Variants in TRPV4 observed in about 807,000 individuals in gnomAD.
The protein encoded by TRPV4 is OSM9-like transient receptor potential channel 4.
TRPV4 carries 58 observed loss-of-function variants against 84.1 expected under a neutral mutation model. That is an observed-to-expected ratio of 0.69 (90% CI 0.56 to 0.86). The LOEUF is 0.86. TRPV4 is among the 40% of genes least tolerant of loss of function. TRPV4 has a pLI of 0.00. For synonymous variants in TRPV4, 489 were observed against 500.9 expected (o/e 0.98, Z 0.32); for missense variants, 879 against 1,181.1 (o/e 0.74, Z 3.75).
At chr12:109,816,544 G>A (rs1214792752) in intron 1 of TRPV4, among the ~76,000 whole-genome samples, 1 of 152,162 alleles carries the variant, frequency 6.6e-6, no homozygotes, top group African/African-American at 2.4e-5. Context: ...TTGGGAGGCC[G>A]AGGCGGGTGG....
intron 1 of TRPV4, among the ~76,000 whole-genome samples, chr12:109,833,028 T>C (rs918584363): frequency 2.5e-4 from 38 of 152,222 alleles, no homozygotes; most frequent in Non-Finnish European, 4.9e-4. Context: ...TAAGGTGGGC[T>C]GCAAGGCTCC....
chr12:109,816,614 T>C (rs1891858506), intron 1 of TRPV4, among the ~76,000 whole-genome samples: 1 of 151,972 alleles, frequency 6.6e-6, no homozygotes. Flanking sequence ...CCCGTCTCTA[T>C]AAAAAATACA....
At chr12:109,825,326 C>T (rs772660019) in intron 1 of TRPV4, among the ~76,000 whole-genome samples, 3 of 152,064 alleles carry the variant, frequency 2.0e-5, no homozygotes, top group Non-Finnish European at 4.4e-5. Flanking sequence ...TGAACTTGAA[C>T]TTATTTTTTA....
intron 1 of TRPV4, among the ~76,000 whole-genome samples, chr12:109,829,721 G>A (rs905723488): frequency 2.6e-5 from 4 of 152,228 alleles, no homozygotes; most frequent in Admixed American, 1.3e-4. Context: ...GGAGGAAATG[G>A]AAGCCCAGAG....
rs1305862462 is a variant in TRPV4 at position 109,783,393 on chromosome 12, T to C, written c.*228A>G. The C allele has an allele frequency of 3.0e-5, 16 of 527,102 alleles. No individual in the cohort carries two copies. Among genetic ancestry groups the C allele is most frequent in the Non-Finnish European group, 4.6e-5 (14 of 301,312 alleles). 32.7% of individuals were successfully genotyped at this position (527,102 alleles called of 1,614,324 possible). On this transcript the variant is annotated 3_prime_UTR_variant, in exon 16 of 16. Coordinates refer to ENST00000261740, the MANE Select transcript of TRPV4 (RefSeq NM_021625.5). This position sits in a 1 kb window ranked among gnomAD's most constrained non-coding sequence, Gnocchi z 4.6. ...GGCCTGAGGTGGAGGGGCTCTGGCG[T>C]TGGCTTATGTGACTCCATAGGAGCA...
Position 109,814,768 on chromosome 12 carries a change from GCGCGGGGGCCTT to G in TRPV4, c.17_28del (p.Glu6_Arg9del). ...GAGCTCAGCCACCTCCCCGGGCCCCGCGCGGGGGCCTTCGCTGGAATCCGCCATGCCTGCCCC... is the reference window on the plus strand; with the variant it reads ...GAGCTCAGCCACCTCCCCGGGCCCCGCGCTGGAATCCGCCATGCCTGCCCC... On this transcript the variant is annotated inframe_deletion, in exon 2 of 16. Transcript: ENST00000261740. The surrounding 1 kb of genome is among the most constrained non-coding windows in gnomAD (Gnocchi z 5.4). 1.7e-5 allele frequency: 27 copies of G among 1,554,424 alleles called. No individual in the cohort carries two copies. The highest frequency in any genetic ancestry group is 2.3e-5 in the Non-Finnish European group (27 of 1,152,506).
intron 11 of TRPV4, 76 bp from the exon 12 acceptor site, chr12:109,792,505 C>T: frequency 6.3e-7 from 1 of 1,584,370 alleles, no homozygotes; most frequent in Non-Finnish European, 8.7e-7. Context: ...TCCATCTCCA[C>T]CCTGGTCCCA....
In TRPV4 at chr12:109,798,109, G is replaced by A. The variant is rs1019577454; in HGVS notation, c.1152+505C>T. 6.6e-6 allele frequency among the ~76,000 whole-genome samples: 1 copy of A among 152,168 alleles called. No individual in the cohort carries two copies. Among genetic ancestry groups the A allele is most frequent in the African/African-American group, 2.4e-5 (1 of 41,428 alleles). ...TTTGGTGGTCACAAGTGTAAGGGGAGGTGTTCCTGGCATCTGGTGGGTAGA... is the reference window on the plus strand; with the variant it reads ...TTTGGTGGTCACAAGTGTAAGGGGAAGTGTTCCTGGCATCTGGTGGGTAGA... On this transcript the variant is annotated intron_variant, in intron 6 of 15. Coordinates refer to ENST00000261740, the MANE Select transcript of TRPV4 (RefSeq NM_021625.5). The surrounding 1 kb of genome is among the most constrained non-coding windows in gnomAD (Gnocchi z 5.0).
chr12:109,814,666 T>C lies in TRPV4; in HGVS notation c.131A>G (p.Asp44Gly). 1 of 1,613,064 alleles carries C rather than the reference T, an allele frequency of 6.2e-7. No individual in the cohort carries two copies. ...SSLANLFEGEDGSLSPSPADA... is the reference protein window; with the variant it reads ...SSLANLFEGEGGSLSPSPADA... ...AGCCGGTGAGGGCGAAAGGGAGCCA[T>C]CCTCCCCCTCAAACAGATTGGCCAG... The change falls in exon 2 of 16, where the codon GAT becomes GGT. Residue 44 changes from aspartate to glycine, a missense_variant. Asp to Gly is a moderately conservative substitution (Grantham distance 94). Coordinates refer to ENST00000261740, the MANE Select transcript of TRPV4 (RefSeq NM_021625.5). The surrounding 1 kb of genome is among the most constrained non-coding windows in gnomAD (Gnocchi z 5.4).
chr12:109,799,114 G>A (rs1890615188), intron 5 of TRPV4, among the ~76,000 whole-genome samples: 1 of 152,032 alleles, frequency 6.6e-6, no homozygotes, highest in African/African-American at 2.4e-5. Context: ...CACGCGATTT[G>A]GAGGCTGTGA....
At chr12:109,809,057 TCACTCATCCATCCATCTGCC>T (rs1457252586) in intron 2 of TRPV4, among the ~76,000 whole-genome samples, 1 of 123,604 alleles carries the variant, frequency 8.1e-6, no homozygotes. Flanking sequence ...CATCCATCCA[TCACTCATCCATCCATCTGCC>T]CACTCATCCA....
intron 2 of TRPV4, among the ~76,000 whole-genome samples, chr12:109,811,976 A>G (rs1479349072): frequency 6.6e-6 from 1 of 152,082 alleles, no homozygotes; most frequent in Non-Finnish European, 1.5e-5. Context: ...GGGCCTGCTG[A>G]GGCTCAGGAG....
chr12:109,793,436 C>A lies in TRPV4; in HGVS notation c.1658+91G>T. 8.6e-7 allele frequency: 1 copy of A among 1,160,026 alleles called. No homozygotes were observed. Among genetic ancestry groups the A allele is most frequent in the Non-Finnish European group, 1.3e-6 (1 of 768,612 alleles). The allele number at this position is 1,160,026 out of a possible 1,614,324, so 71.9% of individuals were successfully genotyped here. Reference sequence around the variant, plus strand: ...CCAGGTTGGGTGCATTCATTTCTAACAGAATCACCTCTCTCCTGAATCTGG... The same window carrying A: ...CCAGGTTGGGTGCATTCATTTCTAAAAGAATCACCTCTCTCCTGAATCTGG... On this transcript the variant is annotated intron_variant, in intron 10 of 15. Coordinates refer to ENST00000261740, the MANE Select transcript of TRPV4 (RefSeq NM_021625.5). This position sits in a 1 kb window ranked among gnomAD's most constrained non-coding sequence, Gnocchi z 4.0.
Position 109,796,437 on chromosome 12 carries a change from G to A in TRPV4, c.1332+88C>T. On this transcript the variant is annotated intron_variant, in intron 7 of 15. Coordinates refer to ENST00000261740, the MANE Select transcript of TRPV4 (RefSeq NM_021625.5). The surrounding 1 kb of genome is among the most constrained non-coding windows in gnomAD (Gnocchi z 4.2). ...ACGTTGGGTCCTAGAGGCTGGGGCTGTCTCCCCCAGCCCAGCCCCAGGGCC... is the reference window on the plus strand; with the variant it reads ...ACGTTGGGTCCTAGAGGCTGGGGCTATCTCCCCCAGCCCAGCCCCAGGGCC... 6.6e-7 allele frequency: 1 copy of A among 1,522,170 alleles called. No homozygotes were observed. Among genetic ancestry groups the A allele is most frequent in the South Asian group, 1.2e-5 (1 of 86,700 alleles). 94.3% of individuals were successfully genotyped at this position (1,522,170 alleles called of 1,614,324 possible).
In TRPV4 at chr12:109,796,575, C is replaced by T. The variant is rs1592835066; in HGVS notation, c.1282G>A (p.Gly428Arg). Residue 428 changes from glycine to arginine, a missense_variant, in exon 7 of 16, where the codon GGG (glycine) becomes AGG (arginine). By Grantham distance (125) the Gly-to-Arg change is moderately radical (BLOSUM62 -2). Coordinates refer to ENST00000261740, the MANE Select transcript of TRPV4 (RefSeq NM_021625.5). This position sits in a 1 kb window ranked among gnomAD's most constrained non-coding sequence, Gnocchi z 4.2. ...ATCTCCAGCACGGAGGCCTCTTCCCCACACGTGTCCAGGGAGGAGAGGTCA... is the reference window on the plus strand; with the variant it reads ...ATCTCCAGCACGGAGGCCTCTTCCCTACACGTGTCCAGGGAGGAGAGGTCA... ...LYDLSSLDTCGEEASVLEILV... is the reference protein window; with the variant it reads ...LYDLSSLDTCREEASVLEILV... 1.9e-6 allele frequency: 3 copies of T among 1,614,190 alleles called. No individual in the cohort carries two copies. The highest frequency in any genetic ancestry group is 1.1e-5 in the South Asian group (1 of 91,080).
Position 109,814,915 on chromosome 12 carries a change from G to C in TRPV4, c.-31-88C>G. 7.9e-7 allele frequency: 1 copy of C among 1,260,536 alleles called. No individual in the cohort carries two copies. Among genetic ancestry groups the C allele is most frequent in the South Asian group, 1.4e-5 (1 of 73,810 alleles). The allele number at this position is 1,260,536 out of a possible 1,614,324, so 78.1% of individuals were successfully genotyped here. A position where few individuals can be genotyped will look rare whatever the true frequency, so the allele number is the denominator to read the frequency against. ...CCCTCCCACGTGGACAAGCAGCAGT[G>C]CTGCCAGCTGCTTCAAAGCCACCGT... On this transcript the variant is annotated intron_variant, in intron 1 of 15. Transcript: ENST00000261740. The surrounding 1 kb of genome is among the most constrained non-coding windows in gnomAD (Gnocchi z 5.4).
chr12:109,791,852 A>C (rs888716518), intron 12 of TRPV4, among the ~76,000 whole-genome samples: 1 of 151,964 alleles, frequency 6.6e-6, no homozygotes, highest in Non-Finnish European at 1.5e-5. Context: ...CTTTTCTATA[A>C]TAGGGGATAA....
At chr12:109,827,867 C>T (rs936437415) in intron 1 of TRPV4, among the ~76,000 whole-genome samples, 8 of 151,868 alleles carry the variant, frequency 5.3e-5, no homozygotes, top group African/African-American at 1.7e-4. Flanking sequence ...TACATATACA[C>T]ACATACACAT....
At chr12:109,831,803 C>T (rs575613051) in intron 1 of TRPV4, among the ~76,000 whole-genome samples, 1 of 152,336 alleles carries the variant, frequency 6.6e-6, no homozygotes, top group African/African-American at 2.4e-5. Context: ...AACAGCCCCA[C>T]CTTGATCTTA....
Sources: allele counts gnomAD v4.1 joint callset (sites outside exome capture counted in the v4.1 genomes callset), GRCh38; gene constraint gnomAD v4.1.1; non-coding constraint Gnocchi (gnomAD v3.1); transcripts MANE v1.5; gene names NCBI Gene and HGNC (gene_info 2026-07-23, HGNC 2026-07-21).